Variants in ZFYVE9 observed in about 807,000 individuals in gnomAD.
ZFYVE9 encodes zinc finger FYVE domain-containing protein 9.
In ZFYVE9, 43 loss-of-function variants were observed where a neutral mutation model predicts 126.7. That is an observed-to-expected ratio of 0.34 (90% CI 0.27 to 0.44). The LOEUF is 0.44. Ranked by LOEUF, ZFYVE9 falls within the 20% of genes least tolerant of loss-of-function variation. ZFYVE9 has a pLI of 1.00. For missense variants in ZFYVE9, 1,476 were observed against 1,697.0 expected, an observed-to-expected ratio of 0.87 and a Z score of 2.29; for synonymous variants, 521 against 597.4, an observed-to-expected ratio of 0.87 and a Z score of 1.87.
chr1:52,178,414 C>A (rs1644661972), intron 1 of ZFYVE9, among the ~76,000 whole-genome samples: 1 of 151,558 alleles, frequency 6.6e-6, no homozygotes, highest in African/African-American at 2.4e-5. Flanking sequence ...TCACTGTAAC[C>A]TCCACCTCCT....
At chr1:52,149,331 T>C (rs925126234) in intron 1 of ZFYVE9, among the ~76,000 whole-genome samples, 5 of 152,076 alleles carry the variant, frequency 3.3e-5, no homozygotes, top group South Asian at 2.1e-4. Flanking sequence ...AAAAACCTCA[T>C]AGGAAGGCTT....
At chr1:52,186,144 G>A (rs1166772695) in intron 1 of ZFYVE9, among the ~76,000 whole-genome samples, 2 of 150,276 alleles carry the variant, frequency 1.3e-5, no homozygotes, top group Non-Finnish European at 3.0e-5. Flanking sequence ...GGAGCCTGAG[G>A]CAGGAGAATT....
At chr1:52,329,757 T>G (rs1429483844) in intron 13 of ZFYVE9, among the ~76,000 whole-genome samples, 4 of 151,838 alleles carry the variant, frequency 2.6e-5, no homozygotes, top group Non-Finnish European at 5.9e-5. Flanking sequence ...TACAAAAAAT[T>G]AGCCGGGCAT....
chr1:52,241,988 G>A (rs1035219256), intron 4 of ZFYVE9, among the ~76,000 whole-genome samples: 33 of 151,110 alleles, frequency 2.2e-4, no homozygotes, highest in Non-Finnish European at 4.4e-4. Context: ...AGGTAATGGG[G>A]ATTCAGAGGT....
At chr1:52,196,222 CAGTG>C (rs1490952421) in intron 1 of ZFYVE9, among the ~76,000 whole-genome samples, 3 of 152,192 alleles carry the variant, frequency 2.0e-5, no homozygotes, top group African/African-American at 7.2e-5. Context: ...AGCTCTCAAA[CAGTG>C]AGTGCTCTGT....
At chr1:52,268,655 A>G (rs1044793363) in intron 7 of ZFYVE9, 23 bp downstream of exon 7, 1 of 1,609,694 alleles carries the variant, frequency 6.2e-7, no homozygotes, top group Middle Eastern at 1.7e-4. Context: ...AACAGCAACT[A>G]AAATTGCATA....
Position 52,238,184 on chromosome 1 carries a change from C to T in ZFYVE9, c.767C>T (p.Pro256Leu). ...LKDDGSIGRD[P>L]SMSAITSLTV... The stretch of plus-strand genomic sequence containing the variant: ...GATGACGGAAGTATAGGTAGAGACC[C>T]CTCCATGTCTGCGATTACAAGTTTA... The change falls in exon 4 of 19, where the codon CCC (proline) becomes CTC (leucine). Residue 256 changes from proline (P) to leucine (L), a missense_variant. Pro to Leu is a moderately conservative substitution (Grantham distance 98). Around this residue, in one of 2 missense-constraint regions of ZFYVE9, gnomAD observed 807 missense variants for 794.6 expected, o/e 1.02. Transcript: ENST00000287727. The T allele has an allele frequency of 6.2e-7, 1 of 1,614,038 alleles. No homozygotes were observed. Among genetic ancestry groups the T allele is most frequent in the Non-Finnish European group, 8.5e-7 (1 of 1,179,946 alleles).
intron 1 of ZFYVE9, among the ~76,000 whole-genome samples, chr1:52,209,338 G>T (rs1255911910): frequency 2.6e-5 from 4 of 152,044 alleles, no homozygotes; most frequent in African/African-American, 7.2e-5. Flanking sequence ...TTTTTAACTG[G>T]TTTTTAAGAT....
chr1:52,296,157 A>C (rs1389145594), intron 12 of ZFYVE9, among the ~76,000 whole-genome samples, 180 bp downstream of exon 12: 1 of 151,620 alleles, frequency 6.6e-6, no homozygotes, highest in Non-Finnish European at 1.5e-5. Context: ...ACACACATAT[A>C]CATATATATT....
At chr1:52,250,887 A>G (rs751065306) in intron 4 of ZFYVE9, among the ~76,000 whole-genome samples, 2 of 150,920 alleles carry the variant, frequency 1.3e-5, no homozygotes, top group African/African-American at 2.4e-5. Context: ...ATTTTTTTTT[A>G]TTTTTAGTAG....
intron 1 of ZFYVE9, among the ~76,000 whole-genome samples, chr1:52,182,081 G>A (rs1480512900): frequency 2.6e-5 from 4 of 151,322 alleles, no homozygotes; most frequent in African/African-American, 7.3e-5. Context: ...CAGCTGCCCC[G>A]TCCGGAGGGA....
intron 16 of ZFYVE9, among the ~76,000 whole-genome samples, chr1:52,338,997 C>G (rs956668693): frequency 6.6e-6 from 1 of 151,610 alleles, no homozygotes; most frequent in Admixed American, 6.6e-5. Flanking sequence ...ACAACAAGAG[C>G]GAAACTCTGT....
intron 1 of ZFYVE9, among the ~76,000 whole-genome samples, chr1:52,165,640 C>T (rs1644506590): frequency 6.6e-6 from 1 of 152,118 alleles, no homozygotes; most frequent in African/African-American, 2.4e-5. Context: ...TCAATCAGAG[C>T]ACTTTTCTGT....
chr1:52,332,004 T>G (rs1254968787), intron 13 of ZFYVE9, among the ~76,000 whole-genome samples: 1 of 151,822 alleles, frequency 6.6e-6, no homozygotes, highest in Admixed American at 6.6e-5. Flanking sequence ...ATGGTCTCGA[T>G]CTCCTGACCT....
chr1:52,254,369 T>C (rs2124652337), intron 4 of ZFYVE9, among the ~76,000 whole-genome samples: 1 of 144,498 alleles, frequency 6.9e-6, no homozygotes, highest in East Asian at 2.0e-4. Flanking sequence ...CTCACATATT[T>C]TACATTACTA....
intron 1 of ZFYVE9, among the ~76,000 whole-genome samples, chr1:52,144,905 G>T (rs1316671360): frequency 1.3e-5 from 2 of 152,056 alleles, no homozygotes; most frequent in Non-Finnish European, 2.9e-5. Flanking sequence ...AATCTGAAAA[G>T]GTATTATAAT....
chr1:52,160,399 TG>T, intron 1 of ZFYVE9: 1 of 1,102,534 alleles, frequency 9.1e-7, no homozygotes, highest in Non-Finnish European at 1.4e-6. Flanking sequence ...ACACCAACTT[TG>T]GGACACTTTC....
intron 1 of ZFYVE9, chr1:52,190,449 T>G (rs1356124288): frequency 1.3e-5 from 2 of 152,246 alleles, no homozygotes; most frequent in Non-Finnish European, 2.9e-5. Flanking sequence ...ATCAAAATTA[T>G]GCACAATATG....
intron 10 of ZFYVE9, among the ~76,000 whole-genome samples, chr1:52,288,327 C>G (rs1282541317): frequency 6.6e-6 from 1 of 152,158 alleles, no homozygotes; most frequent in African/African-American, 2.4e-5. Context: ...AGAAGTCTTG[C>G]TCTGTCACCC....
Sources: gnomAD v4.1 joint callset for allele counts (sites outside exome capture counted in the v4.1 genomes callset) on GRCh38, gnomAD v4.1.1 for gene constraint, gnomAD v4.1.1 regional missense constraint, MANE v1.5 for transcripts, NCBI Gene and HGNC (gene_info 2026-07-23, HGNC 2026-07-21) for gene names.